The following DMD variants were observed in gnomAD, a reference collection of about 807,000 sequenced individuals.
The protein encoded by DMD is mutant dystrophin.
In DMD, 63 loss-of-function variants were observed where a neutral mutation model predicts 330.1. The observed-to-expected ratio is 0.19, with a 90% CI of 0.16 to 0.24. The LOEUF is 0.24. DMD is among the 10% of genes least tolerant of loss of function. DMD has a pLI of 1.00. For synonymous variants in DMD, 1,223 were observed against 959.8 expected, an observed-to-expected ratio of 1.27 and a Z score of -5.07; for missense variants, 3,344 against 2,684.1, an observed-to-expected ratio of 1.25 and a Z score of -5.43.
chrX:32,566,872 T>G (rs543822243), intron 15 of DMD, among the ~76,000 whole-genome samples: 6 of 112,077 alleles, frequency 5.4e-5, no homozygotes, highest in African/African-American at 1.9e-4. Flanking sequence ...AGGAGAAAAT[T>G]ATCTTACAGC....
intron 2 of DMD, among the ~76,000 whole-genome samples, chrX:32,953,267 T>C (rs1383667076): frequency 9.0e-6 from 1 of 110,890 alleles, no homozygotes; most frequent in South Asian, 3.8e-4. Flanking sequence ...GATGAACTAA[T>C]ACATAATGCA....
intron 18 of DMD, among the ~76,000 whole-genome samples, chrX:32,505,703 G>A (rs1271453072): frequency 8.9e-6 from 1 of 112,063 alleles, no homozygotes; most frequent in Non-Finnish European, 1.9e-5. Context: ...TCCTGCACAT[G>A]AATGCTGCAG....
At chrX:31,704,870 A>G (rs971227506) in intron 52 of DMD, among the ~76,000 whole-genome samples, 1 of 112,473 alleles carries the variant, frequency 8.9e-6, no homozygotes, top group Non-Finnish European at 1.9e-5. Flanking sequence ...GGATGTATAC[A>G]AAATCAAAGC....
chrX:31,119,935 A>AACTC lies in DMD; in HGVS notation c.*1980_*1983dup, dbSNP rs2032084530. The AACTC allele has an allele frequency of 1.8e-5, 2 of 111,736 alleles. No individual in the cohort carries two copies. Among genetic ancestry groups the AACTC allele is most frequent in the Non-Finnish European group, 3.8e-5 (2 of 53,097 alleles). The allele number at this position is 111,736 out of a possible 1,213,427, so 9.2% of individuals were successfully genotyped here. A position where few individuals can be genotyped will look rare whatever the true frequency, so the allele number is the denominator to read the frequency against. On this transcript the variant is annotated 3_prime_UTR_variant, in exon 79 of 79. Transcript: ENST00000357033. ...GCAATGGACAAGTGGTGAAGCTGTG[A>AACTC]ACTCAGGTGTGCACAATTATCAGGA...
intron 62 of DMD, among the ~76,000 whole-genome samples, chrX:31,313,720 T>A (rs985282355): frequency 9.1e-6 from 1 of 110,313 alleles, no homozygotes; most frequent in Non-Finnish European, 1.9e-5. Context: ...ATCCTTCTTA[T>A]CATGATGATT....
intron 30 of DMD, among the ~76,000 whole-genome samples, chrX:32,402,234 A>T (rs1335539419): frequency 8.9e-6 from 1 of 111,736 alleles, no homozygotes; most frequent in African/African-American, 3.2e-5. Flanking sequence ...GCTATGCATC[A>T]AAATAATGGA....
At chrX:31,791,916 C>T (rs948653213) in intron 50 of DMD, among the ~76,000 whole-genome samples, 2 of 112,087 alleles carry the variant, frequency 1.8e-5, no homozygotes, top group Non-Finnish European at 3.8e-5. Flanking sequence ...AATTCCAATG[C>T]TGAACTTTAA....
chrX:32,845,919 ATACT>A (rs1386695636), intron 3 of DMD, among the ~76,000 whole-genome samples: 1 of 112,216 alleles, frequency 8.9e-6, no homozygotes, highest in Admixed American at 9.5e-5. Context: ...AGAATTCGAC[ATACT>A]TTCTTCTCTG....
chrX:32,490,874 G>C (rs1267414243), intron 20 of DMD, among the ~76,000 whole-genome samples: 1 of 111,790 alleles, frequency 8.9e-6, no homozygotes, highest in African/African-American at 3.3e-5. Context: ...TAGTTATACT[G>C]CATCCAAGCT....
At chrX:32,535,849 C>T (rs1023558398) in intron 17 of DMD, among the ~76,000 whole-genome samples, 9 of 111,960 alleles carry the variant, frequency 8.0e-5, no homozygotes, top group African/African-American at 2.9e-4. Flanking sequence ...CTGCTTTATG[C>T]ATTATAGGTG....
intron 2 of DMD, among the ~76,000 whole-genome samples, chrX:32,988,409 C>T (rs759608693): frequency 1.2e-4 from 13 of 110,936 alleles, no homozygotes; most frequent in Non-Finnish European, 1.5e-4. Flanking sequence ...CTTTCTTTAC[C>T]GTCTTAATGT....
chrX:31,591,880 A>G (rs116299644), intron 55 of DMD, among the ~76,000 whole-genome samples: 1,996 of 110,845 alleles, frequency 0.018, 44 homozygotes, highest in African/African-American at 0.062. Flanking sequence ...TTCAGGACTA[A>G]CGGCAAGTTC....
intron 44 of DMD, among the ~76,000 whole-genome samples, chrX:32,201,166 T>C (rs745700913): frequency 2.1e-3 from 233 of 112,237 alleles, no homozygotes; most frequent in Middle Eastern, 9.2e-3. Flanking sequence ...TTGTGATAAA[T>C]TTTAATTTAT....
rs750199919 is a variant in DMD at position 31,561,554 on chromosome X, T to C, written c.8218-54101A>G. Among the ~76,000 whole-genome samples, 4 of 112,057 alleles carry C rather than the reference T, an allele frequency of 3.6e-5. No individual in the cohort carries two copies. The South Asian group carries it at 1.5e-3, about 42-fold the overall frequency. ...ACTCAAGTTTACCATTAGTATATAATAGCTATAACACTTGTCCTTAAAATG... is the reference window on the plus strand; with the variant it reads ...ACTCAAGTTTACCATTAGTATATAACAGCTATAACACTTGTCCTTAAAATG... On this transcript the variant is annotated intron_variant, in intron 55 of 78. Transcript: ENST00000357033.
At chrX:32,485,904 C>T (rs1177259949) in intron 20 of DMD, among the ~76,000 whole-genome samples, 2 of 108,222 alleles carry the variant, frequency 1.8e-5, no homozygotes, top group Admixed American at 2.0e-4. Flanking sequence ...CTACCGTGTC[C>T]AGCAAATTTT....
In DMD at chrX:31,710,239, C is replaced by A. The variant is rs6631368; in HGVS notation, c.7660+19392G>T. ...AATGTCATTAACATAAAGCTACCAA[C>A]TATTAACTTATACTAACATATCTGA... On this transcript the variant is annotated intron_variant, in intron 52 of 78. Transcript: ENST00000357033. 6.1e-4 allele frequency among the ~76,000 whole-genome samples: 68 copies of A among 111,714 alleles called. No individual in the cohort carries two copies. In the East Asian group the frequency reaches 0.017, roughly 28 times the overall value.
intron 2 of DMD, among the ~76,000 whole-genome samples, chrX:32,980,841 A>C (rs116531445): frequency 8.9e-6 from 1 of 111,954 alleles, no homozygotes; most frequent in Non-Finnish European, 1.9e-5. Flanking sequence ...CTAATGATAA[A>C]GCTGTTATCA....
chrX:32,634,448 C>T (rs2058951566), intron 11 of DMD, among the ~76,000 whole-genome samples: 1 of 112,053 alleles, frequency 8.9e-6, no homozygotes, highest in South Asian at 3.7e-4. Context: ...CTGGGTCACA[C>T]CTGAAACCAT....
At chrX:32,528,853 G>A (rs1425451289) in intron 17 of DMD, among the ~76,000 whole-genome samples, 1 of 104,266 alleles carries the variant, frequency 9.6e-6, no homozygotes, top group African/African-American at 3.5e-5. Flanking sequence ...CAGCCTGGAA[G>A]CCCCCACCCC....
Sources: gnomAD v4.1 joint callset for allele counts (sites outside exome capture counted in the v4.1 genomes callset) on GRCh38, gnomAD v4.1.1 for gene constraint, MANE v1.5 for transcripts, NCBI Gene and HGNC (gene_info 2026-07-23, HGNC 2026-07-21) for gene names.